The following RAPGEF2 variants were observed in gnomAD, a reference collection of about 807,000 sequenced individuals.
The protein encoded by RAPGEF2 is Rap guanine nucleotide exchange factor 2, also known as PDZ domain containing guanine nucleotide exchange factor (GEF) 1.
A neutral mutation model predicts 186.7 loss-of-function variants in RAPGEF2; 54 were observed. That is an observed-to-expected ratio of 0.29 (90% CI 0.23 to 0.36). RAPGEF2 has a LOEUF of 0.36. Ranked by LOEUF, RAPGEF2 falls within the 10% of genes least tolerant of loss-of-function variation. RAPGEF2 has a pLI of 1.00. For missense variants in RAPGEF2, 1,532 were observed against 2,045.0 expected (o/e 0.75, Z 4.84); for synonymous variants, 712 against 705.9 (o/e 1.01, Z -0.14).
chr4:159,118,212 C>G (rs1427575411), intron 1 of RAPGEF2, among the ~76,000 whole-genome samples: 1 of 152,116 alleles, frequency 6.6e-6, no homozygotes, highest in African/African-American at 2.4e-5. Flanking sequence ...TGAGCTCCGC[C>G]TCCTGTCAGA....
chr4:159,281,305 A>G (rs1759672618), intron 7 of RAPGEF2, among the ~76,000 whole-genome samples: 1 of 151,930 alleles, frequency 6.6e-6, no homozygotes, highest in African/African-American at 2.4e-5. Flanking sequence ...TTAACTTCTT[A>G]AAGTTATTGA....
intron 8 of RAPGEF2, among the ~76,000 whole-genome samples, chr4:159,311,091 T>G (rs1376775578): frequency 2.0e-5 from 3 of 152,182 alleles, no homozygotes; most frequent in Non-Finnish European, 4.4e-5. Context: ...GTTACTGTGT[T>G]TTGTTTTGCT....
At chr4:159,169,752 G>T (rs1466223518) in intron 1 of RAPGEF2, among the ~76,000 whole-genome samples, 1 of 152,008 alleles carries the variant, frequency 6.6e-6, no homozygotes, top group Non-Finnish European at 1.5e-5. Context: ...TAAATAATAG[G>T]ATTTCATTTT....
chr4:159,237,073 T>A lies in RAPGEF2; in HGVS notation c.282-1736T>A, dbSNP rs1295273143. Among the ~76,000 whole-genome samples, 5 of 152,196 alleles carry A rather than the reference T, an allele frequency of 3.3e-5. No individual in the cohort carries two copies. In the East Asian group the frequency reaches 7.7e-4, roughly 23 times the overall value. On this transcript the variant is annotated intron_variant, in intron 4 of 29. Coordinates refer to ENST00000691494, the MANE Select transcript of RAPGEF2 (RefSeq NM_001394067.2). ...TTTTACTCTGTTGCCCAGGCTAGAG[T>A]GCAGTGGCACATTCTTGGCTCACTG...
At position 159,270,579 on chromosome 4, in the gene RAPGEF2, TAGTA is replaced by T. The variant is rs534710299; in HGVS notation, c.543+26791_543+26794del. ...TTTTTTAGCTATGATTAGGCACAAA[TAGTA>T]AGCTCAGTTTTTCTACTTTATCAGA... On this transcript the variant is annotated intron_variant, in intron 7 of 29. Coordinates refer to ENST00000691494, the MANE Select transcript of RAPGEF2 (RefSeq NM_001394067.2). Among the ~76,000 whole-genome samples the T allele has an allele frequency of 2.9e-3, 448 of 152,268 alleles. 1 individual carries two copies. The highest frequency in any genetic ancestry group is 0.01 in the African/African-American group (417 of 41,528).
intron 1 of RAPGEF2, among the ~76,000 whole-genome samples, chr4:159,120,918 A>G (rs996981391): frequency 1.3e-5 from 2 of 151,710 alleles, no homozygotes; most frequent in African/African-American, 4.8e-5. Flanking sequence ...GCAGTGGCGC[A>G]ATCTTGGCTC....
chr4:159,194,159 C>A (rs1014071524), intron 3 of RAPGEF2, among the ~76,000 whole-genome samples: 1 of 152,126 alleles, frequency 6.6e-6, no homozygotes, highest in African/African-American at 2.4e-5. Flanking sequence ...ACTTTTTAGG[C>A]AGAAGGAACA....
intron 3 of RAPGEF2, among the ~76,000 whole-genome samples, chr4:159,205,550 T>C (rs1749882373): frequency 6.6e-6 from 1 of 152,176 alleles, no homozygotes; most frequent in South Asian, 2.1e-4. Context: ...TGTCAAATTG[T>C]TGTGCCATTG....
chr4:159,137,827 A>G (rs530336470), intron 1 of RAPGEF2, among the ~76,000 whole-genome samples: 5 of 152,148 alleles, frequency 3.3e-5, no homozygotes, highest in East Asian at 3.9e-4. Context: ...CTAATTACCT[A>G]TAAGCACAAA....
intron 1 of RAPGEF2, among the ~76,000 whole-genome samples, chr4:159,181,135 T>TTA (rs530127751): frequency 3.2e-4 from 48 of 152,328 alleles, no homozygotes; most frequent in Non-Finnish European, 5.3e-4. Flanking sequence ...AAGCAACAGA[T>TTA]TAATAAAGTG....
At position 159,353,370 on chromosome 4, in the gene RAPGEF2, GT is replaced by G; in HGVS notation, c.4092-114del. ...GGCAATTCAGTGCTACTTTTATCCT[GT>G]TTCTGGGATGAAAGCAAGCTACCTT... On this transcript the variant is annotated intron_variant, in intron 27 of 29. Coordinates refer to ENST00000691494, the MANE Select transcript of RAPGEF2 (RefSeq NM_001394067.2). The surrounding 1 kb of genome is among the most constrained non-coding windows in gnomAD (Gnocchi z 4.3). 1.3e-6 allele frequency: 1 copy of G among 787,426 alleles called. No homozygotes were observed. The highest frequency in any genetic ancestry group is 1.8e-6 in the Non-Finnish European group (1 of 545,766). The allele number at this position is 787,426 out of a possible 1,614,324, so 48.8% of individuals were successfully genotyped here.
intron 1 of RAPGEF2, among the ~76,000 whole-genome samples, chr4:159,164,681 C>T (rs1296904456): frequency 6.6e-6 from 1 of 152,036 alleles, no homozygotes; most frequent in African/African-American, 2.4e-5. Context: ...TGGTACAGTA[C>T]AATGCAATGG....
chr4:159,169,040 A>G (rs1745622726), intron 1 of RAPGEF2, among the ~76,000 whole-genome samples: 2 of 152,238 alleles, frequency 1.3e-5, no homozygotes, highest in Admixed American at 6.5e-5. Context: ...TTTGAGGACC[A>G]GAGTATATTG....
intron 3 of RAPGEF2, among the ~76,000 whole-genome samples, chr4:159,200,014 C>T (rs1030924360): frequency 3.3e-5 from 5 of 151,796 alleles, no homozygotes; most frequent in Non-Finnish European, 7.4e-5. Flanking sequence ...ATTTCTTTAC[C>T]CTCAGTTTAG....
chr4:159,117,671 A>G (rs951811526), intron 1 of RAPGEF2, among the ~76,000 whole-genome samples: 1 of 151,800 alleles, frequency 6.6e-6, no homozygotes, highest in African/African-American at 2.4e-5. Flanking sequence ...TATTTCCTTC[A>G]TATAACCCAG....
At chr4:159,273,658 CT>C (rs1247112957) in intron 7 of RAPGEF2, among the ~76,000 whole-genome samples, 1 of 147,030 alleles carries the variant, frequency 6.8e-6, no homozygotes, top group South Asian at 2.2e-4. Flanking sequence ...TTCTTTCTTT[CT>C]TTCTTTCTTT....
At chr4:159,270,568 T>TGG (rs1190601661) in intron 7 of RAPGEF2, among the ~76,000 whole-genome samples, 1 of 152,166 alleles carries the variant, frequency 6.6e-6, no homozygotes, top group Non-Finnish European at 1.5e-5. Context: ...TTAGCTATGA[T>TGG]TAGGCACAAA....
intron 7 of RAPGEF2, among the ~76,000 whole-genome samples, chr4:159,260,681 C>G (rs1461968754): frequency 6.6e-6 from 1 of 152,110 alleles, no homozygotes; most frequent in Non-Finnish European, 1.5e-5. Flanking sequence ...AAATTTGTAT[C>G]CCAGTGCCTG....
intron 7 of RAPGEF2, among the ~76,000 whole-genome samples, chr4:159,292,364 G>T (rs1761352687): frequency 6.6e-6 from 1 of 152,104 alleles, no homozygotes; most frequent in African/African-American, 2.4e-5. Context: ...CTTCTGCAGG[G>T]GTCAGGCCTT....
Sources: allele counts gnomAD v4.1 joint callset (sites outside exome capture counted in the v4.1 genomes callset), GRCh38; gene constraint gnomAD v4.1.1; non-coding constraint Gnocchi (gnomAD v3.1); transcripts MANE v1.5; gene names NCBI Gene and HGNC (gene_info 2026-07-23, HGNC 2026-07-21).